The following BBS9 variants were observed in gnomAD, a reference collection of about 807,000 sequenced individuals.
The protein encoded by BBS9 is protein PTHB1.
BBS9 carries 89 observed loss-of-function variants against 117.7 expected under a neutral mutation model. The observed-to-expected ratio is 0.76, with a 90% CI of 0.64 to 0.90. The LOEUF is 0.90. Ranked by LOEUF, BBS9 falls within the 40% of genes least tolerant of loss-of-function variation. The probability of loss-of-function intolerance (pLI) is 0.00; values close to 1 mark genes in which losing one functional copy is unlikely to be tolerated. For missense variants in BBS9, 982 were observed against 1,042.2 expected, an observed-to-expected ratio of 0.94 and a Z score of 0.80; for synonymous variants, 379 against 370.9, an observed-to-expected ratio of 1.02 and a Z score of -0.25.
chr7:33,471,997 G>C (rs1563221552), intron 19 of BBS9, among the ~76,000 whole-genome samples: 2 of 149,332 alleles, frequency 1.3e-5, no homozygotes, highest in Non-Finnish European at 3.0e-5. Flanking sequence ...TGTTCTCCTA[G>C]TCATTTCTTA....
Position 33,387,974 on chromosome 7 carries a change from A to C in BBS9, c.1963-18A>C, listed in dbSNP as rs375828755. On this transcript the variant is annotated intron_variant, in intron 18 of 22. Coordinates refer to ENST00000242067, the MANE Select transcript of BBS9 (RefSeq NM_198428.3). ...TTTGTGTCCATTTAATCTCAATTTA[A>C]GAAATTATTCATTGCAGCTACGGAT... 69 of 1,612,536 alleles carry C rather than the reference A, an allele frequency of 4.3e-5. No homozygotes were observed. Among genetic ancestry groups the C allele is most frequent in the Non-Finnish European group, 5.2e-5 (61 of 1,178,734 alleles).
chr7:33,446,349 G>C (rs895719083), intron 19 of BBS9, among the ~76,000 whole-genome samples: 2 of 152,120 alleles, frequency 1.3e-5, no homozygotes, highest in African/African-American at 4.8e-5. Flanking sequence ...TTAATATCTT[G>C]ATAGTAAATA....
At chr7:33,385,392 G>A (rs1825830155) in intron 18 of BBS9, among the ~76,000 whole-genome samples, 1 of 152,166 alleles carries the variant, frequency 6.6e-6, no homozygotes, top group Admixed American at 6.5e-5. Context: ...TTTGAATACA[G>A]TTGGGTTTTG....
chr7:33,149,810 G>T (rs939390781), intron 2 of BBS9, among the ~76,000 whole-genome samples: 2 of 152,152 alleles, frequency 1.3e-5, no homozygotes, highest in African/African-American at 4.8e-5. Context: ...TTTAATAGTC[G>T]TACATATACA....
intron 2 of BBS9, among the ~76,000 whole-genome samples, chr7:33,150,638 G>A (rs574501053): frequency 6.6e-6 from 1 of 152,226 alleles, no homozygotes; most frequent in South Asian, 2.1e-4. Context: ...GTGAACTTAT[G>A]GGCAGAAATG....
chr7:33,227,538 T>G (rs1791522198), intron 5 of BBS9, among the ~76,000 whole-genome samples: 1 of 152,132 alleles, frequency 6.6e-6, no homozygotes, highest in African/African-American at 2.4e-5. Flanking sequence ...TGGCAATTTC[T>G]GGGATTTTGG....
At chr7:33,624,596 C>T (rs1865555690) in intron 21 of BBS9, among the ~76,000 whole-genome samples, 1 of 152,162 alleles carries the variant, frequency 6.6e-6, no homozygotes, top group Non-Finnish European at 1.5e-5. Flanking sequence ...TCACACATTC[C>T]AGATGTTAAT....
At chr7:33,167,268 A>G (rs1294916715) in intron 4 of BBS9, among the ~76,000 whole-genome samples, 2 of 152,180 alleles carry the variant, frequency 1.3e-5, no homozygotes, top group African/African-American at 4.8e-5. Flanking sequence ...CACATTGTAT[A>G]TATAAACAAT....
chr7:33,191,448 A>C (rs1784104305), intron 5 of BBS9, among the ~76,000 whole-genome samples: 1 of 152,092 alleles, frequency 6.6e-6, no homozygotes, highest in Admixed American at 6.5e-5. Context: ...GTGGCCAAAA[A>C]ACTGTAAATA....
At chr7:33,387,847 A>G in intron 18 of BBS9, 145 bp from the exon 19 acceptor site, 1 of 895,042 alleles carries the variant, frequency 1.1e-6, no homozygotes, top group Non-Finnish European at 1.7e-6. Flanking sequence ...TGTACCAAAT[A>G]CCACATTGTT....
At chr7:33,302,327 G>A (rs926591619) in intron 9 of BBS9, among the ~76,000 whole-genome samples, 6 of 152,198 alleles carry the variant, frequency 3.9e-5, no homozygotes, top group Middle Eastern at 3.4e-3. Context: ...TGTGTTTGTG[G>A]GGTATTACTC....
At chr7:33,130,785 A>C (rs1789482639) in intron 1 of BBS9, among the ~76,000 whole-genome samples, 1 of 152,156 alleles carries the variant, frequency 6.6e-6, no homozygotes, top group Non-Finnish European at 1.5e-5. Flanking sequence ...ATTTTAAAAA[A>C]CTTTATTTTG....
chr7:33,521,622 G>C (rs965458265), intron 20 of BBS9, among the ~76,000 whole-genome samples: 2 of 88,214 alleles, frequency 2.3e-5, no homozygotes, highest in Admixed American at 2.9e-4. Context: ...ATTTTTTTCA[G>C]TGCTTTATTT....
chr7:33,448,855 A>G (rs1197922914), intron 19 of BBS9, among the ~76,000 whole-genome samples: 3 of 152,234 alleles, frequency 2.0e-5, no homozygotes, highest in Non-Finnish European at 4.4e-5. Context: ...AATAAGAAAA[A>G]TAGTTAACAT....
chr7:33,436,441 A>C (rs1351260384), intron 19 of BBS9, among the ~76,000 whole-genome samples: 4 of 152,202 alleles, frequency 2.6e-5, no homozygotes, highest in Non-Finnish European at 5.9e-5. Flanking sequence ...ACTTCAGGTG[A>C]TCATTCCTCA....
intron 9 of BBS9, among the ~76,000 whole-genome samples, chr7:33,322,921 T>C (rs867559288): frequency 5.3e-5 from 8 of 152,310 alleles, no homozygotes; most frequent in Middle Eastern, 3.4e-3. Context: ...CCATAGGTTT[T>C]GGAATATTAC....
chr7:33,290,105 C>T (rs1803714492), intron 9 of BBS9, among the ~76,000 whole-genome samples: 1 of 151,888 alleles, frequency 6.6e-6, no homozygotes, highest in African/African-American at 2.4e-5. Context: ...CTACAGTTCG[C>T]ATTTAGGATT....
At chr7:33,152,486 C>G (rs1793490840) in intron 2 of BBS9, among the ~76,000 whole-genome samples, 1 of 152,086 alleles carries the variant, frequency 6.6e-6, no homozygotes, top group Admixed American at 6.6e-5. Flanking sequence ...GTACATTTGA[C>G]TATAGGGATG....
At chr7:33,434,205 A>G (rs1371138129) in intron 19 of BBS9, among the ~76,000 whole-genome samples, 1 of 151,912 alleles carries the variant, frequency 6.6e-6, no homozygotes, top group Non-Finnish European at 1.5e-5. Flanking sequence ...CAAGAATATT[A>G]GCCTTTAAAA....
Sources: allele counts gnomAD v4.1 joint callset (sites outside exome capture counted in the v4.1 genomes callset), GRCh38; gene constraint gnomAD v4.1.1; transcripts MANE v1.5; gene names NCBI Gene and HGNC (gene_info 2026-07-23, HGNC 2026-07-21).